MYO5B: variants seen among roughly 807,000 people sequenced by gnomAD.
The protein encoded by MYO5B is myosin VB, also known as unconventional myosin-Vb.
Under a neutral mutation model 229.3 loss-of-function variants are expected in MYO5B, and 143 were observed. The observed-to-expected ratio is 0.62, with a 90% confidence interval of 0.54 to 0.72. MYO5B has a LOEUF of 0.72. Ranked by LOEUF, MYO5B falls within the 30% of genes least tolerant of loss-of-function variation. MYO5B has a pLI of 0.00. For synonymous variants in MYO5B, 918 were observed against 885.2 expected (o/e 1.04, Z -0.66); for missense variants, 2,321 against 2,331.0 (o/e 1.00, Z 0.09).
chr18:50,078,079 G>A (rs528144793), intron 1 of MYO5B, among the ~76,000 whole-genome samples: 5 of 152,336 alleles, frequency 3.3e-5, no homozygotes, highest in East Asian at 3.8e-4. Context: ...TAGGGAAAGC[G>A]GGAATATTCC....
intron 7 of MYO5B, among the ~76,000 whole-genome samples, chr18:49,987,945 C>A (rs2144305607): frequency 1.3e-5 from 2 of 152,148 alleles, no homozygotes; most frequent in East Asian, 3.9e-4. Context: ...ATGGTTTTTA[C>A]CATCATTTAT....
rs1303946117 is a variant in MYO5B at position 49,895,110 on chromosome 18, A to G, written c.2876T>C (p.Val959Ala). The G allele has an allele frequency of 1.9e-6, 3 of 1,613,914 alleles. No homozygotes were observed. The highest frequency in any genetic ancestry group is 2.5e-6 in the Non-Finnish European group (3 of 1,180,018). The change falls in exon 22 of 40, where the codon GTA becomes GCA. Residue 959 changes from valine (V) to alanine (A), a missense_variant. Transcript: ENST00000285039. ...CACCAGCTCCTTCTTCAGCCGCTCT[A>G]CCTCCATGGTGTATGTTGAGGTGGT... The part of the protein sequence containing the change: ...SVTTSTYTME[V>A]ERLKKELVHY...
intron 3 of MYO5B, among the ~76,000 whole-genome samples, chr18:50,039,457 G>C (rs1029926617): frequency 8.6e-5 from 13 of 151,958 alleles, no homozygotes; most frequent in African/African-American, 2.9e-4. Flanking sequence ...TCAGCCTCCC[G>C]AGTAGCTGGG....
chr18:50,195,041 G>T lies in MYO5B; in HGVS notation c.-248C>A. ...GGAGTTGCGAGCGCCGGGGGAGGAGGCCGCGCCGCACCACTCCCCTCCCAG... is the reference window on the plus strand; with the variant it reads ...GGAGTTGCGAGCGCCGGGGGAGGAGTCCGCGCCGCACCACTCCCCTCCCAG... On this transcript the variant is annotated 5_prime_UTR_variant, in exon 1 of 40. Coordinates refer to ENST00000285039, the MANE Select transcript of MYO5B (RefSeq NM_001080467.3). The T allele has an allele frequency of 5.4e-6, 2 of 368,586 alleles. No homozygotes were observed. The highest frequency in any genetic ancestry group is 9.3e-6 in the Non-Finnish European group (2 of 215,390). 22.8% of individuals were successfully genotyped at this position (368,586 alleles called of 1,614,324 possible).
chr18:50,091,740 G>A (rs1226825591), intron 1 of MYO5B, among the ~76,000 whole-genome samples: 1 of 152,148 alleles, frequency 6.6e-6, no homozygotes, highest in African/African-American at 2.4e-5. Flanking sequence ...CAGCACCCCT[G>A]ACTTCTGTTC....
intron 12 of MYO5B, among the ~76,000 whole-genome samples, chr18:49,959,648 T>C (rs780853200): frequency 4.6e-5 from 7 of 152,194 alleles, no homozygotes; most frequent in Non-Finnish European, 5.9e-5. Context: ...CTGCCGTTGA[T>C]TGCTCCAACA....
At chr18:50,053,839 G>A (rs1206252114) in intron 2 of MYO5B, among the ~76,000 whole-genome samples, 1 of 152,172 alleles carries the variant, frequency 6.6e-6, no homozygotes, top group Non-Finnish European at 1.5e-5. Flanking sequence ...AGAGGATATG[G>A]TACACACTTT....
intron 4 of MYO5B, among the ~76,000 whole-genome samples, chr18:50,026,133 G>A (rs2026328385): frequency 1.3e-5 from 2 of 152,212 alleles, no homozygotes; most frequent in African/African-American, 4.8e-5. Context: ...ACTACTGCAA[G>A]CACCAGAAGG....
chr18:49,977,355 A>T (rs1598926164), intron 9 of MYO5B, among the ~76,000 whole-genome samples: 1 of 152,208 alleles, frequency 6.6e-6, no homozygotes, highest in Non-Finnish European at 1.5e-5. Flanking sequence ...CAACCCTGGC[A>T]GTCATGGAGC....
At chr18:49,896,272 G>A (rs1411836211) in intron 21 of MYO5B, among the ~76,000 whole-genome samples, 1 of 152,172 alleles carries the variant, frequency 6.6e-6, no homozygotes, top group African/African-American at 2.4e-5. Context: ...AATGAGACAT[G>A]CTACCCGCTC....
intron 4 of MYO5B, among the ~76,000 whole-genome samples, chr18:50,031,919 G>A (rs187798581): frequency 3.3e-5 from 5 of 152,294 alleles, no homozygotes; most frequent in East Asian, 3.9e-4. Context: ...CTCAGAAGGC[G>A]TGTCAACATA....
At chr18:50,001,864 T>C (rs2026050928) in intron 4 of MYO5B, among the ~76,000 whole-genome samples, 1 of 151,988 alleles carries the variant, frequency 6.6e-6, no homozygotes, top group South Asian at 2.1e-4. Context: ...ACCCTGTCTC[T>C]ACTAAAAAAC....
intron 1 of MYO5B, among the ~76,000 whole-genome samples, chr18:50,155,618 C>G (rs1363854755): frequency 6.6e-6 from 1 of 152,224 alleles, no homozygotes; most frequent in Non-Finnish European, 1.5e-5. Flanking sequence ...CCGGCACTCC[C>G]AACAGGCAAG....
intron 39 of MYO5B, among the ~76,000 whole-genome samples, chr18:49,831,772 C>A (rs1456223352): frequency 6.6e-6 from 1 of 152,122 alleles, no homozygotes; most frequent in Non-Finnish European, 1.5e-5. Context: ...CCCCAAAGAA[C>A]TGAAAAATTG....
intron 1 of MYO5B, among the ~76,000 whole-genome samples, chr18:50,116,860 C>CA (rs2031972495): frequency 6.7e-6 from 1 of 148,432 alleles, no homozygotes; most frequent in African/African-American, 2.5e-5. Context: ...AAAAAAAAAC[C>CA]AAAAAACAAA....
intron 18 of MYO5B, among the ~76,000 whole-genome samples, chr18:49,911,594 T>C (rs1229212422): frequency 6.6e-6 from 1 of 152,188 alleles, no homozygotes; most frequent in African/African-American, 2.4e-5. Context: ...CCTCTAGTGG[T>C]GTTGACTCAA....
At chr18:50,087,712 C>T (rs1242585230) in intron 1 of MYO5B, among the ~76,000 whole-genome samples, 1 of 152,052 alleles carries the variant, frequency 6.6e-6, no homozygotes, top group Non-Finnish European at 1.5e-5. Flanking sequence ...AACAAGAGGC[C>T]CAGGTGTCTC....
chr18:50,149,031 A>C (rs1037836036), intron 1 of MYO5B, among the ~76,000 whole-genome samples: 5 of 151,202 alleles, frequency 3.3e-5, no homozygotes, highest in Non-Finnish European at 7.4e-5. Flanking sequence ...GCATTCTTAT[A>C]CACCAATAAC....
At chr18:49,939,147 T>C (rs200878208) in intron 14 of MYO5B, among the ~76,000 whole-genome samples, 29,908 of 123,758 alleles carry the variant, frequency 0.24, 3,881 homozygotes, top group Middle Eastern at 0.35. Context: ...TTCTTTTTTT[T>C]CTTTTTTTTT....
Sources: allele counts gnomAD v4.1 joint callset (sites outside exome capture counted in the v4.1 genomes callset), GRCh38; gene constraint gnomAD v4.1.1; transcripts MANE v1.5; gene names NCBI Gene and HGNC (gene_info 2026-07-23, HGNC 2026-07-21).